GUCY1A2: variants seen among roughly 807,000 people sequenced by gnomAD.
GUCY1A2 encodes guanylate cyclase soluble subunit alpha-2.
Under a neutral mutation model 63.5 loss-of-function variants are expected in GUCY1A2, and 27 were observed. The observed-to-expected ratio is 0.43, with a 90% CI of 0.31 to 0.59. The LOEUF is 0.59. Among genes scored for constraint, GUCY1A2 ranks in the 20% least tolerant of loss-of-function variants. The probability of loss-of-function intolerance (pLI) is 0.11; values close to 1 mark genes in which losing one functional copy is unlikely to be tolerated. For synonymous variants in GUCY1A2, 364 were observed against 343.5 expected, an observed-to-expected ratio of 1.06 and a Z score of -0.66; for missense variants, 768 against 913.3, an observed-to-expected ratio of 0.84 and a Z score of 2.05.
chr11:106,875,431 A>T (rs1381947010), intron 4 of GUCY1A2, among the ~76,000 whole-genome samples: 1 of 152,196 alleles, frequency 6.6e-6, no homozygotes, highest in African/African-American at 2.4e-5. Context: ...ATACTGGCTT[A>T]TAAACCAAAA....
rs148455048 is a variant in GUCY1A2 at position 106,963,863 on chromosome 11, A to T, written c.487+14756T>A. Among the ~76,000 whole-genome samples the T allele has an allele frequency of 4.6e-3, 697 of 152,314 alleles. 2 individuals are homozygous for T. The highest frequency in any genetic ancestry group is 9.6e-3 in the Admixed American group (147 of 15,300). ...CAAAGTTCCTTTGGACTTATAATAT[A>T]TTTTAACTTTATTCAATCATTTTTG... On this transcript the variant is annotated intron_variant, in intron 3 of 7. Coordinates refer to ENST00000526355, the MANE Select transcript of GUCY1A2 (RefSeq NM_000855.3).
chr11:106,679,606 A>G lies in GUCY1A2; in HGVS notation c.*7943T>C, dbSNP rs1862399172. ...TTTAAATGATTCATAAGACAAAAGT[A>G]TATTCTTCTCACTGAATGCTAGCTC... On this transcript the variant is annotated 3_prime_UTR_variant, in exon 8 of 8. Transcript: ENST00000526355. 4.8e-6 allele frequency: 1 copy of G among 209,188 alleles called. No individual in the cohort carries two copies. Among genetic ancestry groups the G allele is most frequent in the Non-Finnish European group, 9.7e-6 (1 of 102,930 alleles). The allele number at this position is 209,188 out of a possible 1,614,324, so 13.0% of individuals were successfully genotyped here.
intron 1 of GUCY1A2, among the ~76,000 whole-genome samples, chr11:107,012,966 A>T (rs1004471674): frequency 3.3e-4 from 50 of 151,228 alleles, no homozygotes; most frequent in African/African-American, 1.2e-3. Context: ...TATACATGTC[A>T]GAGAGCTCAT....
chr11:106,723,719 A>T (rs1429788336), intron 6 of GUCY1A2, among the ~76,000 whole-genome samples: 1 of 152,174 alleles, frequency 6.6e-6, no homozygotes, highest in African/African-American at 2.4e-5. Flanking sequence ...GCTACTTTGG[A>T]GGCTGAGGCA....
chr11:106,768,646 TAGC>T (rs1165777252), intron 6 of GUCY1A2, among the ~76,000 whole-genome samples: 7 of 152,170 alleles, frequency 4.6e-5, no homozygotes. Flanking sequence ...ACATATAAAA[TAGC>T]AGGTTATATC....
At chr11:106,780,833 C>G (rs745350874) in intron 5 of GUCY1A2, among the ~76,000 whole-genome samples, 1 of 151,790 alleles carries the variant, frequency 6.6e-6, no homozygotes, top group Non-Finnish European at 1.5e-5. Context: ...CAGATATATT[C>G]GGCACCTTAA....
intron 4 of GUCY1A2, among the ~76,000 whole-genome samples, chr11:106,919,105 T>C (rs779305116): frequency 2.0e-5 from 3 of 152,196 alleles, no homozygotes; most frequent in Non-Finnish European, 2.9e-5. Flanking sequence ...TGTCTCTGCC[T>C]GCATGGATCT....
chr11:106,961,639 T>C (rs1199841496), intron 3 of GUCY1A2, among the ~76,000 whole-genome samples: 1 of 152,236 alleles, frequency 6.6e-6, no homozygotes, highest in Non-Finnish European at 1.5e-5. Flanking sequence ...AAAATGCTTC[T>C]TAAGTGTGCT....
chr11:106,969,253 C>G (rs748432047), intron 3 of GUCY1A2, among the ~76,000 whole-genome samples: 1 of 151,884 alleles, frequency 6.6e-6, no homozygotes, highest in Non-Finnish European at 1.5e-5. Context: ...ACTGAAGAAC[C>G]GAACTCAAGA....
intron 4 of GUCY1A2, among the ~76,000 whole-genome samples, chr11:106,860,671 T>C (rs1859499177): frequency 6.6e-6 from 1 of 152,032 alleles, no homozygotes. Context: ...GTCTATATTT[T>C]AGCTTCTCAG....
chr11:106,739,231 C>T (rs1863646353), intron 6 of GUCY1A2, among the ~76,000 whole-genome samples: 1 of 152,100 alleles, frequency 6.6e-6, no homozygotes, highest in Non-Finnish European at 1.5e-5. Context: ...GTGATTTTTG[C>T]ACATTGATTT....
intron 4 of GUCY1A2, among the ~76,000 whole-genome samples, chr11:106,819,768 G>T (rs540477865): frequency 2.8e-4 from 42 of 152,146 alleles, no homozygotes; most frequent in Non-Finnish European, 5.0e-4. Flanking sequence ...TATCTCTGAG[G>T]TGTGCCTGGA....
At chr11:106,806,929 T>C (rs1173358015) in intron 5 of GUCY1A2, among the ~76,000 whole-genome samples, 1 of 152,196 alleles carries the variant, frequency 6.6e-6, no homozygotes, top group Non-Finnish European at 1.5e-5. Flanking sequence ...TGCCTGATGA[T>C]AGGAAAACAT....
chr11:106,788,376 G>A (rs1864602036), intron 5 of GUCY1A2, among the ~76,000 whole-genome samples: 1 of 152,070 alleles, frequency 6.6e-6, no homozygotes, highest in East Asian at 1.9e-4. Context: ...TTGCTGTGCA[G>A]AAGATTTTTA....
At chr11:106,799,524 T>C (rs1461780571) in intron 5 of GUCY1A2, among the ~76,000 whole-genome samples, 3 of 152,164 alleles carry the variant, frequency 2.0e-5, no homozygotes, top group Admixed American at 6.6e-5. Context: ...AACAGCATGG[T>C]ACTGGTACCA....
intron 5 of GUCY1A2, among the ~76,000 whole-genome samples, chr11:106,800,426 G>T (rs1468069282): frequency 6.6e-6 from 1 of 152,104 alleles, no homozygotes; most frequent in East Asian, 1.9e-4. Flanking sequence ...CTGCTATAAA[G>T]ACACATGCAC....
chr11:106,955,403 G>T (rs561199734), intron 3 of GUCY1A2, among the ~76,000 whole-genome samples: 1 of 152,132 alleles, frequency 6.6e-6, no homozygotes, highest in South Asian at 2.1e-4. Context: ...GGTGTCATTG[G>T]TCTTTATATT....
At chr11:107,002,940 TC>T (rs1861628467) in intron 1 of GUCY1A2, among the ~76,000 whole-genome samples, 1 of 152,154 alleles carries the variant, frequency 6.6e-6, no homozygotes, top group South Asian at 2.1e-4. Context: ...ATTCCTACAT[TC>T]CCCTTGAGTA....
chr11:107,008,841 A>T (rs1163494356), intron 1 of GUCY1A2, among the ~76,000 whole-genome samples: 2 of 152,230 alleles, frequency 1.3e-5, no homozygotes, highest in African/African-American at 4.8e-5. Context: ...TCCCAGTATT[A>T]AGTTGGAGGG....
Sources: allele counts gnomAD v4.1 joint callset (sites outside exome capture counted in the v4.1 genomes callset), GRCh38; gene constraint gnomAD v4.1.1; transcripts MANE v1.5; gene names NCBI Gene and HGNC (gene_info 2026-07-23, HGNC 2026-07-21).